Variants in JMJD1C observed in about 807,000 individuals in gnomAD.
JMJD1C encodes jumonji domain containing 1C.
JMJD1C carries 31 observed loss-of-function variants against 245.3 expected under a neutral mutation model. The ratio of observed to expected loss-of-function variants is 0.13; its 90% CI spans 0.09 to 0.17. The LOEUF (loss-of-function observed/expected upper bound fraction) is 0.17, where lower values mean the gene tolerates loss of function less well. JMJD1C is among the 10% of genes least tolerant of loss of function. The probability of loss-of-function intolerance (pLI) is 1.00; values close to 1 mark genes in which losing one functional copy is unlikely to be tolerated. For missense variants in JMJD1C, 2,691 were observed against 3,000.2 expected (o/e 0.90, Z 2.41); for synonymous variants, 1,057 against 1,017.4 (o/e 1.04, Z -0.74).
Position 63,289,959 on chromosome 10 carries a change from T to G in JMJD1C, c.334-25195A>C, listed in dbSNP as rs149369080. On this transcript the variant is annotated intron_variant, in intron 2 of 25. Coordinates refer to ENST00000399262, the MANE Select transcript of JMJD1C (RefSeq NM_032776.3). Reference sequence around the variant, plus strand: ...AAAAGAGTATGAAAATCACAGAAGTTAAAAAAATTTAAAGGAAAGATTAAT... The same window carrying G: ...AAAAGAGTATGAAAATCACAGAAGTGAAAAAAATTTAAAGGAAAGATTAAT... 2.2e-3 allele frequency among the ~76,000 whole-genome samples: 339 copies of G among 152,056 alleles called. 11 individuals carry two copies. The South Asian group carries it at 0.056, about 25-fold the overall frequency.
intron 2 of JMJD1C, among the ~76,000 whole-genome samples, chr10:63,288,154 C>T (rs1858200720): frequency 6.6e-6 from 1 of 152,080 alleles, no homozygotes; most frequent in Non-Finnish European, 1.5e-5. Flanking sequence ...CACAGAGGGC[C>T]AACTGTATGT....
intron 2 of JMJD1C, among the ~76,000 whole-genome samples, chr10:63,328,704 T>C (rs566146612): frequency 2.6e-5 from 4 of 152,366 alleles, no homozygotes; most frequent in African/African-American, 9.6e-5. Context: ...TTTTACATCT[T>C]TGTATTCCAA....
At chr10:63,353,022 C>A (rs1944495869) in intron 2 of JMJD1C, among the ~76,000 whole-genome samples, 1 of 152,102 alleles carries the variant, frequency 6.6e-6, no homozygotes, top group Non-Finnish European at 1.5e-5. Context: ...GACATACAGT[C>A]TACGAGGAGA....
At chr10:63,319,330 G>A (rs1414463883) in intron 2 of JMJD1C, among the ~76,000 whole-genome samples, 1 of 147,718 alleles carries the variant, frequency 6.8e-6, no homozygotes, top group African/African-American at 2.5e-5. Context: ...AAAGTGTGAT[G>A]CCAATCTAAT....
chr10:63,269,990 TAA>T (rs1014272700), intron 2 of JMJD1C, among the ~76,000 whole-genome samples: 8 of 152,144 alleles, frequency 5.3e-5, no homozygotes, highest in African/African-American at 1.9e-4. Context: ...TAAAAAAAAT[TAA>T]GAGGTATCTC....
chr10:63,431,864 T>C (rs1950773070), intron 1 of JMJD1C, among the ~76,000 whole-genome samples: 1 of 152,142 alleles, frequency 6.6e-6, no homozygotes, highest in Non-Finnish European at 1.5e-5. Flanking sequence ...GTACAAAAAT[T>C]AGCTGGGCAT....
In JMJD1C at chr10:63,215,291, C is replaced by T. The variant is rs1189516728; in HGVS notation, c.987G>A (p.Glu329=). The change falls in exon 7 of 26, where the codon GAG becomes GAA. Residue 329 remains glutamate (E), a synonymous_variant. Coordinates refer to ENST00000399262, the MANE Select transcript of JMJD1C (RefSeq NM_032776.3). ...SSIPDEEKMK[E]EKYDYISRGE... ...CTCGTGATATATAATCATATTTTTC[C>T]TCCTTCATCTTCTCTTCATCTGGTA... 9 of 1,597,084 alleles carry T rather than the reference C, an allele frequency of 5.6e-6. No homozygotes were observed. In the East Asian group the frequency reaches 6.7e-5, roughly 12 times the overall value.
At chr10:63,316,775 G>A (rs145505630) in intron 2 of JMJD1C, among the ~76,000 whole-genome samples, 1 of 152,244 alleles carries the variant, frequency 6.6e-6, no homozygotes, top group African/African-American at 2.4e-5. Context: ...ATGTAGTAAT[G>A]TGGTATTCTG....
chr10:63,515,326 G>C (rs1954985386), intron 1 of JMJD1C, among the ~76,000 whole-genome samples: 1 of 152,186 alleles, frequency 6.6e-6, no homozygotes, highest in Admixed American at 6.5e-5. Context: ...GAATACCTTG[G>C]TGTATTTCAA....
intron 1 of JMJD1C, among the ~76,000 whole-genome samples, chr10:63,455,331 C>A (rs1483528408): frequency 6.6e-6 from 1 of 152,192 alleles, no homozygotes; most frequent in Non-Finnish European, 1.5e-5. Context: ...GTTTCCTCCA[C>A]AATTCTGCAC....
chr10:63,357,592 C>T (rs1944956440), intron 2 of JMJD1C, among the ~76,000 whole-genome samples: 1 of 152,092 alleles, frequency 6.6e-6, no homozygotes, highest in Admixed American at 6.6e-5. Context: ...AGGTATGAGC[C>T]ACCAAGCCCG....
chr10:63,173,850 CAGTA>C (rs1315882127), intron 24 of JMJD1C, among the ~76,000 whole-genome samples: 2 of 151,832 alleles, frequency 1.3e-5, no homozygotes, highest in Non-Finnish European at 2.9e-5. Flanking sequence ...ACTCAAAACT[CAGTA>C]AGAAAAAAAG....
At chr10:63,465,299 C>G in intron 1 of JMJD1C, 196 bp downstream of exon 1, 1 of 619,338 alleles carries the variant, frequency 1.6e-6, no homozygotes, top group Non-Finnish European at 2.8e-6. Context: ...CCGACACCAC[C>G]TCCACAGGGG....
chr10:63,298,942 G>A (rs1859763050), intron 2 of JMJD1C, among the ~76,000 whole-genome samples: 1 of 152,040 alleles, frequency 6.6e-6, no homozygotes, highest in East Asian at 1.9e-4. Flanking sequence ...TGTTGGTCAG[G>A]CTGGTCTTGA....
chr10:63,245,687 TG>T (rs1184159452), intron 3 of JMJD1C, among the ~76,000 whole-genome samples: 2 of 152,176 alleles, frequency 1.3e-5, no homozygotes, highest in Non-Finnish European at 2.9e-5. Context: ...TTCACCATGT[TG>T]GCCAGGCTGG....
At chr10:63,303,505 C>CA (rs1860340854) in intron 2 of JMJD1C, among the ~76,000 whole-genome samples, 1 of 152,134 alleles carries the variant, frequency 6.6e-6, no homozygotes, top group Non-Finnish European at 1.5e-5. Context: ...AGGGTTTCGT[C>CA]ATGTTGGCCA....
chr10:63,171,897 T>C (rs1245622530), intron 24 of JMJD1C, among the ~76,000 whole-genome samples: 2 of 152,242 alleles, frequency 1.3e-5, no homozygotes, highest in Admixed American at 6.5e-5. Flanking sequence ...ATAATGCATC[T>C]CAAATCCAGG....
chr10:63,435,695 T>A (rs12784772), intron 1 of JMJD1C, among the ~76,000 whole-genome samples: 21,050 of 151,790 alleles, frequency 0.14, 2,095 homozygotes, highest in East Asian at 0.29. Flanking sequence ...AGGTCAGGAG[T>A]TCGACACGAA....
chr10:63,208,765 C>G lies in JMJD1C; in HGVS notation c.2904G>C (p.Arg968=). 6.2e-7 allele frequency: 1 copy of G among 1,600,376 alleles called. No individual in the cohort carries two copies. The highest frequency in any genetic ancestry group is 1.1e-5 in the South Asian group (1 of 88,076). The change falls in exon 10 of 26, where the codon CGG becomes CGC. Residue 968 remains arginine, a synonymous_variant. Coordinates refer to ENST00000399262, the MANE Select transcript of JMJD1C (RefSeq NM_032776.3). ...TTTTGGCTGATGTGGATGCAACAGA[C>G]CGTAATGGTTCCATAAAAGCTTTTC... The part of the protein sequence containing the change: ...LERKAFMEPL[R]SVASTSAKND...
Sources: gnomAD v4.1 joint callset for allele counts (sites outside exome capture counted in the v4.1 genomes callset) on GRCh38, gnomAD v4.1.1 for gene constraint, MANE v1.5 for transcripts, NCBI Gene and HGNC (gene_info 2026-07-23, HGNC 2026-07-21) for gene names.